The following CATSPERD variants were observed in gnomAD, a reference collection of about 807,000 sequenced individuals.
CATSPERD encodes catsper channel auxiliary subunit delta, also known as cation channel sperm-associated auxiliary subunit delta.
A neutral mutation model predicts 98.1 loss-of-function variants in CATSPERD; 86 were observed. The ratio of observed to expected loss-of-function variants is 0.88; its 90% confidence interval spans 0.74 to 1.05. The LOEUF (loss-of-function observed/expected upper bound fraction) is 1.05, where lower values mean the gene tolerates loss of function less well. Ranked by LOEUF, CATSPERD falls within the 50% of genes least tolerant of loss-of-function variation. The probability of loss-of-function intolerance (pLI) is 0.00; values close to 1 mark genes in which losing one functional copy is unlikely to be tolerated. For missense variants in CATSPERD, 995 were observed against 1,005.7 expected (o/e 0.99, Z 0.14); for synonymous variants, 394 against 390.2 (o/e 1.01, Z -0.12).
chr19:5,757,445 G>A (rs537986480), intron 13 of CATSPERD, among the ~76,000 whole-genome samples: 5 of 151,178 alleles, frequency 3.3e-5, no homozygotes, highest in Non-Finnish European at 7.4e-5. Context: ...TTACAGGCAT[G>A]CACCACCATG....
intron 9 of CATSPERD, among the ~76,000 whole-genome samples, chr19:5,746,329 G>T (rs1433395097): frequency 6.6e-6 from 1 of 152,200 alleles, no homozygotes; most frequent in Non-Finnish European, 1.5e-5. Context: ...CCGTCATGGA[G>T]GTTTATTCCG....
At chr19:5,722,392 C>T (rs10408480) in intron 1 of CATSPERD, among the ~76,000 whole-genome samples, 1 of 152,038 alleles carries the variant, frequency 6.6e-6, no homozygotes, top group Non-Finnish European at 1.5e-5. Context: ...ACGTGCTGGG[C>T]TTACAGGCGT....
At chr19:5,742,120 TTGTG>T (rs1202783373) in intron 7 of CATSPERD, among the ~76,000 whole-genome samples, 2 of 151,132 alleles carry the variant, frequency 1.3e-5, no homozygotes, top group Non-Finnish European at 1.5e-5. Flanking sequence ...AAAATAGCGT[TTGTG>T]TGTGCGTGTG....
chr19:5,751,372 AG>A (rs1160875639), intron 11 of CATSPERD, among the ~76,000 whole-genome samples: 3 of 150,360 alleles, frequency 2.0e-5, no homozygotes, highest in African/African-American at 7.3e-5. Context: ...AAAAATACAA[AG>A]AAAAAAAAAA....
intron 15 of CATSPERD, 95 bp downstream of exon 15, chr19:5,759,239 C>T: frequency 8.7e-7 from 1 of 1,142,996 alleles, no homozygotes; most frequent in South Asian, 1.2e-5. Context: ...AGACCCCCAG[C>T]TCCAGAACAG....
chr19:5,758,945 AAG>A, intron 14 of CATSPERD, 139 bp from the exon 15 acceptor site: 6 of 622,572 alleles, frequency 9.6e-6, no homozygotes, highest in South Asian at 4.0e-5. Flanking sequence ...AAAAAAAAAA[AAG>A]GAACAGAGTG....
rs760798679 is a variant in CATSPERD, at chr19:5,748,239, C to G, written c.888C>G (p.Ile296Met). The G allele has an allele frequency of 3.7e-6, 6 of 1,613,982 alleles. No individual in the cohort carries two copies. Among genetic ancestry groups the G allele is most frequent in the Non-Finnish European group, 5.1e-6 (6 of 1,179,894 alleles). The change falls in exon 10 of 22, where the codon ATC becomes ATG. Residue 296 changes from isoleucine to methionine, a missense_variant. Physicochemically the swap from Ile to Met is conservative, Grantham distance 10. Around this residue, in one of 3 missense-constraint regions of CATSPERD, gnomAD observed 762 missense variants for 773.7 expected, o/e 0.98. Coordinates refer to ENST00000381624, the MANE Select transcript of CATSPERD (RefSeq NM_152784.4). Reference sequence around the variant, plus strand: ...CCATTTTTGAAGCCAAGATCACCATCCACAACATTGCTGTCAGTGCGTAGC... The same window carrying G: ...CCATTTTTGAAGCCAAGATCACCATGCACAACATTGCTGTCAGTGCGTAGC... ...FSSIFEAKIT[I>M]HNIAVTENEL... is the part of the protein sequence containing the mutation.
In CATSPERD at chr19:5,762,199, G is replaced by A. The variant is rs74174342; in HGVS notation, c.1428-1016G>A. 2.7e-5 allele frequency among the ~76,000 whole-genome samples: 4 copies of A among 149,362 alleles called. No individual in the cohort carries two copies. The East Asian group carries it at 7.9e-4, about 29-fold the overall frequency. ...GTGTCTTGGCCTCCCAGGTAGCTGA[G>A]ATTACAGACACACGCCACCATGCCT... On this transcript the variant is annotated intron_variant, in intron 15 of 21. Coordinates refer to ENST00000381624, the MANE Select transcript of CATSPERD (RefSeq NM_152784.4).
chr19:5,735,938 G>A (rs1338948615), intron 5 of CATSPERD, among the ~76,000 whole-genome samples: 2 of 151,588 alleles, frequency 1.3e-5, no homozygotes, highest in African/African-American at 4.8e-5. Context: ...CTGCCACCAT[G>A]CCTAGCTAAT....
At chr19:5,723,504 G>A (rs1198415166) in intron 1 of CATSPERD, among the ~76,000 whole-genome samples, 7 of 121,516 alleles carry the variant, frequency 5.8e-5, no homozygotes, top group African/African-American at 1.3e-4. Flanking sequence ...TCGCTCTGTT[G>A]CCCAGGCTGG....
intron 9 of CATSPERD, among the ~76,000 whole-genome samples, chr19:5,747,207 C>T (rs983085560): frequency 7.9e-6 from 1 of 126,350 alleles, no homozygotes; most frequent in Non-Finnish European, 1.6e-5. Flanking sequence ...CAGTTTCACT[C>T]TGTCATCGAG....
At chr19:5,757,968 C>T (rs779108646) in intron 14 of CATSPERD, 36 bp downstream of exon 14, 1 of 1,524,298 alleles carries the variant, frequency 6.6e-7, no homozygotes, top group South Asian at 1.1e-5. Flanking sequence ...GTCGCCTGTC[C>T]CTTGAGAGGC....
chr19:5,764,828 TG>T (rs1478348358), intron 16 of CATSPERD, among the ~76,000 whole-genome samples: 1 of 151,854 alleles, frequency 6.6e-6, no homozygotes, highest in African/African-American at 2.4e-5. Context: ...TTGGCCAGGC[TG>T]GTCTTGAACT....
chr19:5,771,583 CTTTT>C (rs143776994), intron 19 of CATSPERD, among the ~76,000 whole-genome samples: 3 of 140,324 alleles, frequency 2.1e-5, no homozygotes, highest in Non-Finnish European at 3.1e-5. Flanking sequence ...TCTTCCTGTT[CTTTT>C]TTTTTTTTTT....
At chr19:5,744,592 CATTTATTT>C in intron 8 of CATSPERD, 82 bp downstream of exon 8, 1 of 929,562 alleles carries the variant, frequency 1.1e-6, no homozygotes, top group Non-Finnish European at 1.6e-6. Context: ...CATTTTTAAA[CATTTATTT>C]ATTTATTTAA....
intron 3 of CATSPERD, among the ~76,000 whole-genome samples, chr19:5,727,752 T>G (rs2055632779): frequency 6.6e-6 from 1 of 152,112 alleles, no homozygotes; most frequent in East Asian, 1.9e-4. Flanking sequence ...ATGCTTAGCA[T>G]GCACGTGAGT....
intron 7 of CATSPERD, among the ~76,000 whole-genome samples, chr19:5,741,122 G>A (rs2055955227): frequency 6.7e-6 from 1 of 150,256 alleles, no homozygotes; most frequent in Admixed American, 6.7e-5. Flanking sequence ...TAATGCCCTA[G>A]TAAAGGCAAC....
intron 16 of CATSPERD, among the ~76,000 whole-genome samples, chr19:5,765,405 T>TATTCATTCATTCATTCATTCATTC (rs71172767): frequency 7.1e-6 from 1 of 141,036 alleles, no homozygotes; most frequent in Non-Finnish European, 1.5e-5. Context: ...GCCATTGATT[T>TATTCATTCATTCATTCATTCATTC]ATTCATTCAT....
intron 18 of CATSPERD, among the ~76,000 whole-genome samples, chr19:5,768,767 A>G (rs1022750562): frequency 2.0e-5 from 3 of 152,108 alleles, no homozygotes; most frequent in African/African-American, 7.2e-5. Flanking sequence ...CTGGTCCCAC[A>G]TGCTGTCCGG....
Sources: allele counts gnomAD v4.1 joint callset (sites outside exome capture counted in the v4.1 genomes callset), GRCh38; gene constraint gnomAD v4.1.1; regional missense constraint gnomAD v4.1.1; transcripts MANE v1.5; gene names NCBI Gene and HGNC (gene_info 2026-07-23, HGNC 2026-07-21).